Variants in PRKCH observed in about 807,000 individuals in gnomAD.
The protein encoded by PRKCH is protein kinase C eta.
PRKCH carries 28 observed loss-of-function variants against 82.5 expected under a neutral mutation model. The ratio of observed to expected loss-of-function variants is 0.34; its 90% CI spans 0.25 to 0.47. PRKCH has a LOEUF of 0.47. Among genes scored for constraint, PRKCH ranks in the 20% least tolerant of loss-of-function variants. The pLI is 1.00. For synonymous variants in PRKCH, 322 were observed against 327.4 expected (o/e 0.98, Z 0.18); for missense variants, 705 against 881.8 (o/e 0.80, Z 2.54).
intron 1 of PRKCH, among the ~76,000 whole-genome samples, chr14:61,192,080 A>C (rs1418854171): frequency 6.6e-6 from 1 of 151,946 alleles, no homozygotes; most frequent in Admixed American, 6.6e-5. Flanking sequence ...CAGAACCCTA[A>C]GTAGGCAACT....
chr14:61,367,751 T>G lies in PRKCH; in HGVS notation c.364-23474T>G, dbSNP rs566136663. Among the ~76,000 whole-genome samples the G allele has an allele frequency of 3.5e-3, 529 of 150,112 alleles. 13 individuals carry two copies. Among genetic ancestry groups the G allele is most frequent in the African/African-American group, 0.012 (500 of 40,224 alleles). ...TTTTTTTTTTAAACAGTCTCGCTCT[T>G]TCACCCAGGCTGGAGTGCAGTGGCG... is the stretch of plus-strand genomic sequence containing the variant. On this transcript the variant is annotated intron_variant, in intron 1 of 13. Transcript: ENST00000332981.
chr14:61,355,049 A>G (rs2140153749), intron 1 of PRKCH, among the ~76,000 whole-genome samples: 1 of 152,338 alleles, frequency 6.6e-6, no homozygotes. Flanking sequence ...TTCAATGGAT[A>G]ATTTCGATGA....
intron 2 of PRKCH, among the ~76,000 whole-genome samples, chr14:61,419,746 C>G (rs1882736708): frequency 6.6e-6 from 1 of 152,130 alleles, no homozygotes; most frequent in African/African-American, 2.4e-5. Context: ...TTGTTATAAA[C>G]AAAGCAAAAG....
intron 1 of PRKCH, among the ~76,000 whole-genome samples, chr14:61,294,132 T>A (rs1566809918): frequency 1.3e-5 from 2 of 152,032 alleles, no homozygotes; most frequent in Admixed American, 6.6e-5. Context: ...TTTTTATTTT[T>A]TTTTTTGAGA....
chr14:61,503,022 T>G (rs1886988579), intron 10 of PRKCH, among the ~76,000 whole-genome samples: 1 of 83,792 alleles, frequency 1.2e-5, no homozygotes, highest in African/African-American at 4.6e-5. Flanking sequence ...TTTTTTTTTT[T>G]GACTCCTACA....
chr14:61,289,884 G>A (rs1283679162), intron 1 of PRKCH, among the ~76,000 whole-genome samples: 1 of 152,240 alleles, frequency 6.6e-6, no homozygotes, highest in Non-Finnish European at 1.5e-5. Flanking sequence ...GTGGTAGTCT[G>A]CAGGGCTGCC....
At position 61,414,714 on chromosome 14, in the gene PRKCH, C is replaced by T. The variant is rs867248648; in HGVS notation, c.427+23426C>T. ...TGGGCTGGTCTTGAACTCCTAACCT[C>T]GTGATCCGCCTGCCTCAGCCTCCCA... On this transcript the variant is annotated intron_variant, in intron 2 of 13. Transcript: ENST00000332981. Among the ~76,000 whole-genome samples the T allele has an allele frequency of 6.2e-5, 9 of 146,140 alleles. No individual in the cohort carries two copies. The Middle Eastern group carries it at 0.024, about 390-fold the overall frequency.
At chr14:61,226,469 A>G (rs2044697096) in intron 1 of PRKCH, among the ~76,000 whole-genome samples, 1 of 152,208 alleles carries the variant, frequency 6.6e-6, no homozygotes, top group Non-Finnish European at 1.5e-5. Flanking sequence ...ATTACATTAA[A>G]AGAATGTGAC....
chr14:61,238,342 A>G (rs2044807818), intron 1 of PRKCH, among the ~76,000 whole-genome samples: 1 of 152,210 alleles, frequency 6.6e-6, no homozygotes, highest in Non-Finnish European at 1.5e-5. Context: ...AAGGGACCCC[A>G]GCCCTTTTGT....
At chr14:61,313,344 A>G (rs1243480940) in intron 1 of PRKCH, among the ~76,000 whole-genome samples, 2 of 152,254 alleles carry the variant, frequency 1.3e-5, no homozygotes, top group Non-Finnish European at 1.5e-5. Context: ...TAGCTATATT[A>G]ATAATAGCTT....
At chr14:61,341,715 G>C (rs967987126) in intron 1 of PRKCH, among the ~76,000 whole-genome samples, 1 of 152,218 alleles carries the variant, frequency 6.6e-6, no homozygotes, top group Non-Finnish European at 1.5e-5. Flanking sequence ...AAAGTCAGTA[G>C]TAACCAGGTC....
At position 61,194,260 on chromosome 14, in the gene PRKCH, G is replaced by C. The variant is rs149294421; in HGVS notation, c.-19+6592G>C. ...TCTAGGACAATGAAAGAAACTTCCA[G>C]CATTTAAGCCCATTGCTATGGTTTG... On this transcript the variant is annotated intron_variant, in intron 1 of 3. Transcript: ENST00000555185. Among the ~76,000 whole-genome samples, 39 of 152,278 alleles carry C rather than the reference G, an allele frequency of 2.6e-4. No individual in the cohort carries two copies. The East Asian group carries it at 7.3e-3, about 29-fold the overall frequency.
chr14:61,422,861 G>A (rs1410751484), intron 2 of PRKCH, among the ~76,000 whole-genome samples: 1 of 152,036 alleles, frequency 6.6e-6, no homozygotes, highest in Non-Finnish European at 1.5e-5. Flanking sequence ...TATACATTAT[G>A]TGTGTGCACA....
chr14:61,395,108 A>G (rs552776720), intron 2 of PRKCH, among the ~76,000 whole-genome samples: 14 of 152,160 alleles, frequency 9.2e-5, no homozygotes, highest in Admixed American at 7.9e-4. Context: ...CGGGTGGGGT[A>G]TATTTTAGGA....
chr14:61,352,679 A>AGAGAAAG (rs1555378068), intron 1 of PRKCH, among the ~76,000 whole-genome samples: 37 of 121,004 alleles, frequency 3.1e-4, no homozygotes, highest in African/African-American at 9.6e-4. Context: ...AGAGAGAGAG[A>AGAGAAAG]GAAAGGAAAG....
chr14:61,495,949 T>C (rs1206353139), intron 10 of PRKCH, among the ~76,000 whole-genome samples: 1 of 152,222 alleles, frequency 6.6e-6, no homozygotes, highest in Non-Finnish European at 1.5e-5. Context: ...TTTTAAAAGC[T>C]TCTCTGATAA....
chr14:61,417,614 A>G (rs1037574005), intron 2 of PRKCH, among the ~76,000 whole-genome samples: 1 of 152,188 alleles, frequency 6.6e-6, no homozygotes, highest in African/African-American at 2.4e-5. Context: ...ACTTGTGCAT[A>G]TGTTAGGCTT....
chr14:61,255,902 G>T (rs1181288804), intron 1 of PRKCH, among the ~76,000 whole-genome samples: 1 of 152,042 alleles, frequency 6.6e-6, no homozygotes, highest in African/African-American at 2.4e-5. Context: ...GTGGTTTAAG[G>T]CAGTCTTATC....
At position 61,189,482 on chromosome 14, in the gene PRKCH, A is replaced by G. The variant is rs367778554; in HGVS notation, c.-19+1814A>G. On this transcript the variant is annotated intron_variant, in intron 1 of 3. Transcript: ENST00000555185. Reference sequence around the variant, plus strand: ...CCTTGAGATGCTTCCTTTATTGCTAACAGACTGCACTGAAATGTTATCTCT... The same window carrying G: ...CCTTGAGATGCTTCCTTTATTGCTAGCAGACTGCACTGAAATGTTATCTCT... 2.6e-5 allele frequency among the ~76,000 whole-genome samples: 4 copies of G among 151,600 alleles called. No individual in the cohort carries two copies. The East Asian group carries it at 5.8e-4, about 22-fold the overall frequency.
Sources: allele counts gnomAD v4.1 joint callset (sites outside exome capture counted in the v4.1 genomes callset), GRCh38; gene constraint gnomAD v4.1.1; transcripts MANE v1.5; gene names NCBI Gene and HGNC (gene_info 2026-07-23, HGNC 2026-07-21).